Variants in CSNK1G3 observed in about 807,000 individuals in gnomAD.
CSNK1G3 encodes the protein casein kinase I isoform gamma-3.
Under a neutral mutation model 64.3 loss-of-function variants are expected in CSNK1G3, and 23 were observed. The observed-to-expected ratio is 0.36, with a 90% CI of 0.26 to 0.51. The LOEUF is 0.51. Among genes scored for constraint, CSNK1G3 ranks in the 20% least tolerant of loss-of-function variants. The probability of loss-of-function intolerance (pLI) is 0.96; values close to 1 mark genes in which losing one functional copy is unlikely to be tolerated. For missense variants in CSNK1G3, 357 were observed against 510.5 expected (o/e 0.70, Z 2.90); for synonymous variants, 158 against 162.2 (o/e 0.97, Z 0.20).
chr5:123,546,098 G>T, intron 2 of CSNK1G3: 1 of 378,018 alleles, frequency 2.6e-6, no homozygotes, highest in Non-Finnish European at 4.8e-6. Flanking sequence ...AATTAAAATA[G>T]CCCAGTAGGC....
chr5:123,594,970 A>G, intron 10 of CSNK1G3, 69 bp from the exon 11 acceptor site: 1 of 1,298,412 alleles, frequency 7.7e-7, no homozygotes, highest in Non-Finnish European at 1.1e-6. Context: ...ATATATTATG[A>G]GGATAAAATG....
intron 2 of CSNK1G3, among the ~76,000 whole-genome samples, chr5:123,546,809 A>C (rs1222650882): frequency 6.6e-6 from 1 of 152,148 alleles, no homozygotes; most frequent in Non-Finnish European, 1.5e-5. Flanking sequence ...TGACTCATTC[A>C]TCTTACTAGT....
At chr5:123,534,729 A>G (rs1464263077) in intron 1 of CSNK1G3, among the ~76,000 whole-genome samples, 2 of 152,122 alleles carry the variant, frequency 1.3e-5, no homozygotes, top group African/African-American at 4.8e-5. Context: ...TCCAGATGAG[A>G]AAGTGTCTAG....
intron 12 of CSNK1G3, among the ~76,000 whole-genome samples, chr5:123,606,569 G>A (rs977216244): frequency 6.6e-6 from 1 of 152,060 alleles, no homozygotes; most frequent in African/African-American, 2.4e-5. Flanking sequence ...ATAAAGCCCT[G>A]GTATTTTGTC....
intron 6 of CSNK1G3, among the ~76,000 whole-genome samples, chr5:123,585,029 A>G (rs1791048469): frequency 6.6e-6 from 1 of 151,918 alleles, no homozygotes; most frequent in African/African-American, 2.4e-5. Flanking sequence ...ATTGGTTTTC[A>G]TTACTGATTG....
intron 1 of CSNK1G3, among the ~76,000 whole-genome samples, chr5:123,542,895 A>T (rs1265740162): frequency 8.0e-6 from 1 of 125,592 alleles, no homozygotes; most frequent in Non-Finnish European, 1.6e-5. Context: ...TGTTTACCAA[A>T]TTTGGGGAGT....
chr5:123,612,770 C>T (rs1284102895), intron 12 of CSNK1G3, among the ~76,000 whole-genome samples: 1 of 152,170 alleles, frequency 6.6e-6, no homozygotes, highest in Non-Finnish European at 1.5e-5. Flanking sequence ...GCCACCCCTC[C>T]TGGCCAAAAC....
chr5:123,611,633 T>C (rs563266148), intron 12 of CSNK1G3, among the ~76,000 whole-genome samples: 4 of 152,332 alleles, frequency 2.6e-5, no homozygotes, highest in Middle Eastern at 3.4e-3. Flanking sequence ...TTCATCAAAA[T>C]GTGTATTACA....
exon 13 of CSNK1G3, chr5:123,614,376 A>G: frequency 6.2e-7 from 1 of 1,613,200 alleles, no homozygotes; most frequent in Non-Finnish European, 8.5e-7. Context: ...GAAAAGGAAA[A>G]CCATACAGCG....
intron 1 of CSNK1G3, among the ~76,000 whole-genome samples, chr5:123,523,351 G>C (rs557098869): frequency 3.3e-4 from 50 of 152,180 alleles, no homozygotes; most frequent in African/African-American, 1.2e-3. Context: ...TGATATTTAG[G>C]ACAAAATTAG....
intron 3 of CSNK1G3, among the ~76,000 whole-genome samples, chr5:123,554,866 G>A (rs1156500572): frequency 6.6e-6 from 1 of 152,168 alleles, no homozygotes; most frequent in Admixed American, 6.6e-5. Context: ...ATAAACCATC[G>A]TGTCAAAGCA....
At chr5:123,526,900 T>G (rs896989862) in intron 1 of CSNK1G3, among the ~76,000 whole-genome samples, 25 of 151,820 alleles carry the variant, frequency 1.6e-4, no homozygotes, top group African/African-American at 5.8e-4. Context: ...AATTTTTTTT[T>G]CCTTGAGTAT....
intron 6 of CSNK1G3, among the ~76,000 whole-genome samples, chr5:123,584,667 A>G (rs954611322): frequency 1.3e-5 from 2 of 152,150 alleles, no homozygotes; most frequent in African/African-American, 4.8e-5. Flanking sequence ...TAGAATTGGT[A>G]TTATTCTTTA....
intron 10 of CSNK1G3, among the ~76,000 whole-genome samples, chr5:123,594,245 T>C (rs1792986984): frequency 6.6e-6 from 1 of 152,206 alleles, no homozygotes; most frequent in South Asian, 2.1e-4. Flanking sequence ...GAAACAGAAG[T>C]TGTCCCCTAT....
At chr5:123,556,793 G>T (rs899069683) in intron 3 of CSNK1G3, among the ~76,000 whole-genome samples, 3 of 147,382 alleles carry the variant, frequency 2.0e-5, no homozygotes, top group East Asian at 2.0e-4. Context: ...TGTGTGTGTG[G>T]TGTGTGTATA....
At chr5:123,581,425 T>C (rs991641145) in intron 6 of CSNK1G3, among the ~76,000 whole-genome samples, 1 of 148,942 alleles carries the variant, frequency 6.7e-6, no homozygotes, top group Non-Finnish European at 1.5e-5. Flanking sequence ...GTGTGTGTAG[T>C]ATAGCTACTG....
At chr5:123,588,597 C>A in intron 8 of CSNK1G3, 86 bp downstream of exon 8, 1 of 855,142 alleles carries the variant, frequency 1.2e-6, no homozygotes, top group Admixed American at 2.5e-5. Flanking sequence ...ATATTTTTTT[C>A]TATGCTTAAA....
At chr5:123,571,896 A>G (rs1788184974) in intron 4 of CSNK1G3, among the ~76,000 whole-genome samples, 1 of 152,182 alleles carries the variant, frequency 6.6e-6, no homozygotes, top group South Asian at 2.1e-4. Context: ...AAAGAAAATG[A>G]TAGTTATTTA....
At chr5:123,537,064 G>A (rs1780960339) in intron 1 of CSNK1G3, among the ~76,000 whole-genome samples, 1 of 152,064 alleles carries the variant, frequency 6.6e-6, no homozygotes, top group South Asian at 2.1e-4. Flanking sequence ...ACTACCACTG[G>A]ATCCAGCAAT....
Sources: gnomAD v4.1 joint callset for allele counts (sites outside exome capture counted in the v4.1 genomes callset) on GRCh38, gnomAD v4.1.1 for gene constraint, MANE v1.5 for transcripts, NCBI Gene and HGNC (gene_info 2026-07-23, HGNC 2026-07-21) for gene names.